FRMPD4: variants seen among roughly 807,000 people sequenced by gnomAD.
The protein encoded by FRMPD4 is FERM and PDZ domain containing 4, also known as FERM and PDZ domain-containing protein 4.
FRMPD4 carries 22 observed loss-of-function variants against 94.1 expected under a neutral mutation model. The ratio of observed to expected loss-of-function variants is 0.23; its 90% CI spans 0.17 to 0.33. FRMPD4 has a LOEUF of 0.33. Ranked by LOEUF, FRMPD4 falls within the 10% of genes least tolerant of loss-of-function variation. The probability of loss-of-function intolerance (pLI) is 1.00; values close to 1 mark genes in which losing one functional copy is unlikely to be tolerated. For missense variants in FRMPD4, 1,111 were observed against 1,339.9 expected (o/e 0.83, Z 2.67); for synonymous variants, 631 against 548.6 (o/e 1.15, Z -2.10).
intron 3 of FRMPD4, among the ~76,000 whole-genome samples, chrX:12,061,900 T>C (rs990131245): frequency 8.9e-6 from 1 of 111,788 alleles, no homozygotes; most frequent in African/African-American, 3.2e-5. Flanking sequence ...CACTAAAATA[T>C]ATTTTGACCT....
At chrX:11,910,357 A>G (rs1193595468) in intron 3 of FRMPD4, among the ~76,000 whole-genome samples, 1 of 112,416 alleles carries the variant, frequency 8.9e-6, no homozygotes, top group African/African-American at 3.2e-5. Context: ...ATTAATGCCC[A>G]CATTGAAACA....
intron 1 of FRMPD4, among the ~76,000 whole-genome samples, chrX:12,313,456 T>A (rs753025561): frequency 8.9e-6 from 1 of 112,484 alleles, no homozygotes; most frequent in Non-Finnish European, 1.9e-5. Context: ...GGCTAATTGA[T>A]GAGGCTAGCT....
At chrX:12,295,801 T>A (rs1056046048) in intron 1 of FRMPD4, among the ~76,000 whole-genome samples, 64 of 112,026 alleles carry the variant, frequency 5.7e-4, no homozygotes, top group African/African-American at 2.0e-3. Context: ...TATTTCCAAG[T>A]TTTTGAGGAT....
chrX:12,502,047 T>C (rs1249614051), intron 2 of FRMPD4, among the ~76,000 whole-genome samples: 1 of 111,999 alleles, frequency 8.9e-6, no homozygotes, highest in Non-Finnish European at 1.9e-5. Flanking sequence ...TGGCCACACA[T>C]TGGAATAGAC....
At chrX:11,900,087 G>T (rs1421340334) in intron 3 of FRMPD4, among the ~76,000 whole-genome samples, 1 of 111,168 alleles carries the variant, frequency 9.0e-6, no homozygotes, top group Non-Finnish European at 1.9e-5. Flanking sequence ...GGGGTCTTTT[G>T]GTTTTGATTT....
chrX:12,288,701 G>A (rs146717399), intron 1 of FRMPD4, among the ~76,000 whole-genome samples: 2,681 of 111,497 alleles, frequency 0.024, 73 homozygotes, highest in African/African-American at 0.081. Flanking sequence ...CAGACCAGTC[G>A]TCTCTTGGTG....
intron 3 of FRMPD4, among the ~76,000 whole-genome samples, chrX:12,100,870 G>A (rs1462626395): frequency 8.9e-6 from 1 of 112,313 alleles, no homozygotes; most frequent in Admixed American, 9.4e-5. Context: ...GCTGTCACCA[G>A]TGCTGTTGAT....
At chrX:12,340,404 G>A (rs1350645946) in intron 1 of FRMPD4, among the ~76,000 whole-genome samples, 1 of 112,100 alleles carries the variant, frequency 8.9e-6, no homozygotes. Flanking sequence ...CCTAGGAAGA[G>A]TGAATGTTGG....
chrX:12,448,778 A>G (rs1469841641), intron 1 of FRMPD4, among the ~76,000 whole-genome samples: 1 of 112,213 alleles, frequency 8.9e-6, no homozygotes, highest in African/African-American at 3.2e-5. Flanking sequence ...AAGATTAAAC[A>G]TCTTTGGATA....
At chrX:12,474,866 C>T (rs1457171949) in intron 1 of FRMPD4, among the ~76,000 whole-genome samples, 2 of 111,380 alleles carry the variant, frequency 1.8e-5, no homozygotes, top group African/African-American at 6.5e-5. Flanking sequence ...GATTCACAGC[C>T]AAATTCTACC....
intron 1 of FRMPD4, among the ~76,000 whole-genome samples, chrX:12,189,651 A>G (rs967274216): frequency 8.9e-6 from 1 of 112,040 alleles, no homozygotes; most frequent in Non-Finnish European, 1.9e-5. Context: ...AAAAGGGTAC[A>G]GAGGAAAAGT....
chrX:12,355,252 G>A (rs947601413), intron 1 of FRMPD4, among the ~76,000 whole-genome samples: 3 of 109,528 alleles, frequency 2.7e-5, no homozygotes, highest in East Asian at 5.7e-4. Context: ...CACAGCTCAC[G>A]GCAGCCTCGA....
chrX:11,913,364 C>T (rs2054006954), intron 3 of FRMPD4, among the ~76,000 whole-genome samples: 2 of 112,196 alleles, frequency 1.8e-5, no homozygotes, highest in African/African-American at 3.2e-5. Flanking sequence ...TACAAAATAC[C>T]GGTGCTTGAC....
intron 3 of FRMPD4, among the ~76,000 whole-genome samples, chrX:12,110,852 C>G (rs2055353823): frequency 9.0e-6 from 1 of 111,068 alleles, no homozygotes; most frequent in Non-Finnish European, 1.9e-5. Flanking sequence ...ACCTAGGAAT[C>G]CAACTTACAA....
At chrX:11,917,205 A>G (rs2054029341) in intron 3 of FRMPD4, among the ~76,000 whole-genome samples, 1 of 112,575 alleles carries the variant, frequency 8.9e-6, no homozygotes, top group African/African-American at 3.2e-5. Flanking sequence ...ATCTCACATC[A>G]GTCAGAATGG....
At chrX:11,919,341 A>G (rs541078499) in intron 3 of FRMPD4, among the ~76,000 whole-genome samples, 2 of 112,613 alleles carry the variant, frequency 1.8e-5, no homozygotes, top group African/African-American at 6.5e-5. Flanking sequence ...AAATCTAAAG[A>G]ACAAATAAGA....
intron 8 of FRMPD4, among the ~76,000 whole-genome samples, chrX:12,693,447 A>T (rs975498148): frequency 8.9e-6 from 1 of 112,528 alleles, no homozygotes; most frequent in South Asian, 3.7e-4. Flanking sequence ...GCTGTATAAA[A>T]TGAAAACAAA....
chrX:12,540,768 C>A (rs2058400234), intron 2 of FRMPD4, among the ~76,000 whole-genome samples: 1 of 111,979 alleles, frequency 8.9e-6, no homozygotes, highest in African/African-American at 3.2e-5. Context: ...ACTCTCCACC[C>A]CAAATCAACA....
chrX:12,521,333 G>C (rs2058159669), intron 2 of FRMPD4, among the ~76,000 whole-genome samples: 1 of 111,539 alleles, frequency 9.0e-6, no homozygotes, highest in African/African-American at 3.3e-5. Context: ...CCCTCAGCTG[G>C]TGTATTTGCT....
Sources: allele counts gnomAD v4.1 joint callset (sites outside exome capture counted in the v4.1 genomes callset), GRCh38; gene constraint gnomAD v4.1.1; transcripts MANE v1.5; gene names NCBI Gene and HGNC (gene_info 2026-07-23, HGNC 2026-07-21).